Variants in TRIP11 observed in about 807,000 individuals in gnomAD.
The protein encoded by TRIP11 is thyroid hormone receptor interactor 11.
A neutral mutation model predicts 223.1 loss-of-function variants in TRIP11; 148 were observed. That is an observed-to-expected ratio of 0.66 (90% CI 0.58 to 0.76). The LOEUF (loss-of-function observed/expected upper bound fraction) is 0.76. TRIP11 is among the 30% of genes least tolerant of loss of function. TRIP11 has a pLI of 0.00. For synonymous variants in TRIP11, 762 were observed against 772.6 expected, an observed-to-expected ratio of 0.99 and a Z score of 0.23; for missense variants, 2,043 against 2,222.0, an observed-to-expected ratio of 0.92 and a Z score of 1.62.
chr14:91,971,073 A>C (rs2056395647), intron 20 of TRIP11, among the ~76,000 whole-genome samples: 1 of 152,224 alleles, frequency 6.6e-6, no homozygotes, highest in East Asian at 1.9e-4. Context: ...AAGTTGGGCT[A>C]ATACAATTCC....
intron 5 of TRIP11, 48 bp from the exon 6 acceptor site, chr14:92,015,909 A>C: frequency 6.7e-7 from 1 of 1,486,498 alleles, no homozygotes; most frequent in Non-Finnish European, 9.1e-7. Context: ...CAATAAATTT[A>C]TGTAAGCTAT....
chr14:91,993,476 C>CAAAAAAA (rs59244424), intron 15 of TRIP11, among the ~76,000 whole-genome samples: 17 of 51,732 alleles, frequency 3.3e-4, no homozygotes, highest in Middle Eastern at 7.4e-3. Flanking sequence ...AACTCGGTCT[C>CAAAAAAA]AAAAAAAAAA....
intron 1 of TRIP11, 127 bp downstream of exon 1, chr14:92,039,420 G>A: frequency 2.0e-6 from 2 of 998,082 alleles, no homozygotes; most frequent in East Asian, 2.6e-5. Context: ...GGAGGTGTGT[G>A]AAGAAAAAAG....
At position 92,033,306 on chromosome 14, in the gene TRIP11, T is replaced by A; in HGVS notation, c.140-53A>T. Reference sequence around the variant, plus strand: ...ATTTAATCAATACCATATGAAGTAATAAATAGGTATTTTCAAGAAAATATA... The same window carrying A: ...ATTTAATCAATACCATATGAAGTAAAAAATAGGTATTTTCAAGAAAATATA... On this transcript the variant is annotated intron_variant, in intron 1 of 20. Transcript: ENST00000267622. 1 of 1,363,462 alleles carries A rather than the reference T, an allele frequency of 7.3e-7. No homozygotes were observed. Among genetic ancestry groups the A allele is most frequent in the Non-Finnish European group, 1.0e-6 (1 of 954,982 alleles). The allele number at this position is 1,363,462 out of a possible 1,614,324, so 84.5% of individuals were successfully genotyped here.
rs2056380391 is a variant in TRIP11 at position 91,969,880 on chromosome 14, G to A, written c.5733C>T (p.Ser1911=). The A allele has an allele frequency of 1.1e-5, 17 of 1,613,852 alleles. No homozygotes were observed. Among genetic ancestry groups the A allele is most frequent in the Non-Finnish European group, 1.4e-5 (16 of 1,179,910 alleles). Residue 1911 remains serine (S), a synonymous_variant, in exon 21 of 21, where the codon TCC becomes TCT. Transcript: ENST00000267622. ...TTACATCTGTTCTTCTACCAGACCT[G>A]GATTCTGCTGTATCTAAAGAATAAA... is the stretch of plus-strand genomic sequence containing the variant. The part of the protein sequence containing the change: ...APESFKDTAE[S]RSGRRTDVNP...
Position 92,005,247 on chromosome 14 carries a change from T to G in TRIP11, c.2729A>C (p.Glu910Ala). ...TATCTTTTGATGATGTTTAATTTCC[T>G]CTTCAAGATGTTCCTTGATCGTGTT... Reference protein sequence around the residue: ...QLNTIKEHLEEEIKHHQKIIE... With the variant: ...QLNTIKEHLEAEIKHHQKIIE... Residue 910 changes from glutamate (E) to alanine (A), a missense_variant, in exon 11 of 21, where the codon GAG (glutamate) becomes GCG (alanine). Glu to Ala is a moderately radical substitution (Grantham distance 107). Transcript: ENST00000267622. 6.2e-7 allele frequency: 1 copy of G among 1,614,174 alleles called. No individual in the cohort carries two copies. Among genetic ancestry groups the G allele is most frequent in the African/African-American group, 1.3e-5 (1 of 75,040 alleles).
chr14:91,990,054 A>G (rs2056653213), intron 15 of TRIP11, among the ~76,000 whole-genome samples: 1 of 152,200 alleles, frequency 6.6e-6, no homozygotes, highest in Non-Finnish European at 1.5e-5. Flanking sequence ...GCAATCTTGT[A>G]GCCAATTCCT....
At position 91,998,691 on chromosome 14, in the gene TRIP11, T is replaced by TA. The variant is rs11287757; in HGVS notation, c.4892+548dup. ...ATGAAAAATATAACCTTTTTACAAC[T>TA]AAAAAAAAAAAAACAAGAAAAAAGT... is the stretch of plus-strand genomic sequence containing the variant. On this transcript the variant is annotated intron_variant, in intron 13 of 20. Transcript: ENST00000267622. 8.2e-3 allele frequency among the ~76,000 whole-genome samples: 1,158 copies of TA among 140,964 alleles called. 11 individuals are homozygous for TA. Among genetic ancestry groups the TA allele is most frequent in the African/African-American group, 0.027 (1,047 of 38,392 alleles). 92.5% of individuals were successfully genotyped at this position (140,964 alleles called of 152,430 possible). A position where few individuals can be genotyped will look rare whatever the true frequency, so the allele number is the denominator to read the frequency against.
intron 13 of TRIP11, among the ~76,000 whole-genome samples, chr14:91,996,215 A>C (rs2056749016): frequency 6.6e-6 from 1 of 152,120 alleles, no homozygotes; most frequent in African/African-American, 2.4e-5. Flanking sequence ...TCTTTCCTAC[A>C]CTTTATTGCA....
intron 2 of TRIP11, among the ~76,000 whole-genome samples, chr14:92,029,596 G>A (rs1179219716): frequency 6.6e-6 from 1 of 152,052 alleles, no homozygotes; most frequent in Non-Finnish European, 1.5e-5. Context: ...TTACAGGCGT[G>A]AGCCACCATG....
Position 92,020,474 on chromosome 14 carries a change from T to C in TRIP11, c.588+1082A>G, listed in dbSNP as rs77168586. On this transcript the variant is annotated intron_variant, in intron 4 of 20. Coordinates refer to ENST00000267622, the MANE Select transcript of TRIP11 (RefSeq NM_004239.4). ...AAATGGTTTATCATATTTTATAATATCAATTACCAGATTTTCATTTTACAT... is the reference window on the plus strand; with the variant it reads ...AAATGGTTTATCATATTTTATAATACCAATTACCAGATTTTCATTTTACAT... Among the ~76,000 whole-genome samples the C allele has an allele frequency of 4.3e-3, 653 of 152,172 alleles. 16 individuals are homozygous for C. The East Asian group carries it at 0.069, about 16-fold the overall frequency.
chr14:91,969,580 C>G lies in TRIP11; in HGVS notation c.*93G>C, dbSNP rs905040222. 36 of 1,264,918 alleles carry G rather than the reference C, an allele frequency of 2.8e-5. No homozygotes were observed. Among genetic ancestry groups the G allele is most frequent in the Non-Finnish European group, 4.0e-5 (35 of 868,300 alleles). 78.4% of individuals were successfully genotyped at this position (1,264,918 alleles called of 1,614,324 possible). ...AGCATAATTGCGAACAAATACATGA[C>G]TTTCTCCCCAAAGGCCACTTTGTGA... On this transcript the variant is annotated 3_prime_UTR_variant, in exon 21 of 21. Transcript: ENST00000267622.
At chr14:91,976,647 T>A (rs1230958404) in intron 16 of TRIP11, among the ~76,000 whole-genome samples, 1 of 152,160 alleles carries the variant, frequency 6.6e-6, no homozygotes, top group African/African-American at 2.4e-5. Flanking sequence ...CTAACACAAC[T>A]AAGACCATGG....
chr14:91,996,506 T>C (rs2056752867), intron 13 of TRIP11, among the ~76,000 whole-genome samples: 1 of 152,160 alleles, frequency 6.6e-6, no homozygotes, highest in African/African-American at 2.4e-5. Context: ...CACACCACTG[T>C]ACTCTAGCCT....
intron 2 of TRIP11, among the ~76,000 whole-genome samples, chr14:92,025,639 T>C (rs552511658): frequency 1.3e-5 from 2 of 152,134 alleles, no homozygotes; most frequent in East Asian, 3.9e-4. Flanking sequence ...TCCCAGCACT[T>C]TGGGAGGCCA....
At chr14:91,987,800 C>A (rs2056621154) in intron 16 of TRIP11, among the ~76,000 whole-genome samples, 2 of 152,160 alleles carry the variant, frequency 1.3e-5, no homozygotes, top group African/African-American at 2.4e-5. Context: ...GCATATGAGG[C>A]ACCTTATAAA....
chr14:91,977,914 T>A (rs1324156654), intron 16 of TRIP11, among the ~76,000 whole-genome samples: 2 of 152,198 alleles, frequency 1.3e-5, no homozygotes, highest in Non-Finnish European at 2.9e-5. Context: ...TAGGCCAATT[T>A]TACCAAAATA....
intron 8 of TRIP11, 109 bp from the exon 9 acceptor site, chr14:92,011,181 A>T: frequency 8.0e-6 from 8 of 999,064 alleles, no homozygotes; most frequent in Non-Finnish European, 1.1e-5. Context: ...CTTTAATGAT[A>T]TGTAGTAATT....
rs963224170 is a variant in TRIP11 at position 91,968,957 on chromosome 14, TAC to T, written c.*714_*715del. On this transcript the variant is annotated 3_prime_UTR_variant, in exon 21 of 21. Transcript: ENST00000267622. ...GCCTGTGGTGGTAGTCACATGAATT[TAC>T]ACACAGGGCCAGGCGCAGTGGCTCA... The T allele has an allele frequency of 7.9e-5, 18 of 228,898 alleles. No homozygotes were observed. The highest frequency in any genetic ancestry group is 1.4e-4 in the Non-Finnish European group (16 of 115,368). The allele number at this position is 228,898 out of a possible 1,614,324, so 14.2% of individuals were successfully genotyped here. A position where few individuals can be genotyped will look rare whatever the true frequency, so the allele number is the denominator to read the frequency against.
Sources: allele counts gnomAD v4.1 joint callset (sites outside exome capture counted in the v4.1 genomes callset), GRCh38; gene constraint gnomAD v4.1.1; transcripts MANE v1.5; gene names NCBI Gene and HGNC (gene_info 2026-07-23, HGNC 2026-07-21).